The following ARHGAP19 variants were observed in gnomAD, a reference collection of about 807,000 sequenced individuals.
The protein encoded by ARHGAP19 is Rho GTPase activating protein 19, also known as rho GTPase-activating protein 19.
ARHGAP19 carries 48 observed loss-of-function variants against 60.9 expected under a neutral mutation model. The ratio of observed to expected loss-of-function variants is 0.79; its 90% CI spans 0.62 to 1.00. ARHGAP19 has a LOEUF of 1.00. ARHGAP19 is among the 50% of genes least tolerant of loss of function. The pLI is 0.00. For missense variants in ARHGAP19, 562 were observed against 597.2 expected, an observed-to-expected ratio of 0.94 and a Z score of 0.61; for synonymous variants, 209 against 215.5, an observed-to-expected ratio of 0.97 and a Z score of 0.27.
At chr10:97,271,800 A>T (rs1316325845) in intron 1 of ARHGAP19, among the ~76,000 whole-genome samples, 1 of 151,892 alleles carries the variant, frequency 6.6e-6, no homozygotes. Context: ...ATTTATTTAT[A>T]TATTTACTTA....
rs2134900500 is a variant in ARHGAP19, at chr10:97,270,997, A to C, written c.57-4872T>G. Reference sequence around the variant, plus strand: ...TCCCTACCTCACATCACAGACAAAAAATAAATTCCAAACAAAGTAAAGATC... The same window carrying C: ...TCCCTACCTCACATCACAGACAAAACATAAATTCCAAACAAAGTAAAGATC... On this transcript the variant is annotated intron_variant, in intron 1 of 11. Coordinates refer to ENST00000358531, the MANE Select transcript of ARHGAP19 (RefSeq NM_032900.6). Among the ~76,000 whole-genome samples the C allele has an allele frequency of 1.3e-5, 2 of 152,360 alleles. 1 individual carries two copies. Among genetic ancestry groups the C allele is most frequent in the East Asian group, 3.9e-4 (2 of 5,190 alleles).
rs779618728 is a variant in ARHGAP19, at chr10:97,266,030, T to C, written c.152A>G (p.His51Arg). 5.0e-6 allele frequency: 8 copies of C among 1,614,222 alleles called. No homozygotes were observed. Among genetic ancestry groups the C allele is most frequent in the Non-Finnish European group, 4.2e-6 (5 of 1,180,052 alleles). The change falls in exon 2 of 12, where the codon CAT becomes CGT. Residue 51 changes from histidine (H) to arginine (R), a missense_variant. Coordinates refer to ENST00000358531, the MANE Select transcript of ARHGAP19 (RefSeq NM_032900.6). ...NPDFFVEKLR[H>R]EKPEIFTELV... ...CTCAGTGAAAATCTCAGGTTTCTCA[T>C]GTCGGAGTTTCTCCACAAAAAAGTC...
At chr10:97,242,421 C>T (rs573100465) in intron 8 of ARHGAP19, among the ~76,000 whole-genome samples, 2 of 149,850 alleles carry the variant, frequency 1.3e-5, no homozygotes, top group East Asian at 3.9e-4. Context: ...GCAACCTCCA[C>T]CTCCCGGGCT....
chr10:97,231,710 A>G (rs2134810487), intron 9 of ARHGAP19, among the ~76,000 whole-genome samples: 1 of 152,342 alleles, frequency 6.6e-6, no homozygotes, highest in Admixed American at 6.5e-5. Context: ...TCATCAGTCA[A>G]TAGACAGTTG....
intron 6 of ARHGAP19, among the ~76,000 whole-genome samples, chr10:97,247,546 A>G (rs1410047824): frequency 2.0e-5 from 3 of 152,186 alleles, no homozygotes; most frequent in Non-Finnish European, 2.9e-5. Context: ...TATAAGATTA[A>G]TCAAAAAATT....
chr10:97,252,450 G>A (rs992613206), intron 6 of ARHGAP19, among the ~76,000 whole-genome samples: 2 of 150,696 alleles, frequency 1.3e-5, no homozygotes, highest in South Asian at 2.1e-4. Context: ...GTGAAACCCC[G>A]TCTCTACTAA....
At chr10:97,249,363 TCAAA>T (rs763615649) in intron 6 of ARHGAP19, among the ~76,000 whole-genome samples, 9 of 151,998 alleles carry the variant, frequency 5.9e-5, no homozygotes, top group Admixed American at 2.6e-4. Context: ...AGAGAGAAAA[TCAAA>T]CAATCTGTGT....
chr10:97,252,438 T>A, intron 6 of ARHGAP19, among the ~76,000 whole-genome samples: 1 of 150,132 alleles, frequency 6.7e-6, no homozygotes. Context: ...CTGGCTAACA[T>A]GGTGAAACCC....
chr10:97,274,355 C>T lies in ARHGAP19; in HGVS notation c.57-8230G>A, dbSNP rs567990388. Among the ~76,000 whole-genome samples, 11 of 151,968 alleles carry T rather than the reference C, an allele frequency of 7.2e-5. No individual in the cohort carries two copies. The South Asian group carries it at 1.2e-3, about 17-fold the overall frequency. Reference sequence around the variant, plus strand: ...TGGCGGGCACCTGTAATCCCAGCTACGTGGGAGGCTGAGGCAGAAGAACTG... The same window carrying T: ...TGGCGGGCACCTGTAATCCCAGCTATGTGGGAGGCTGAGGCAGAAGAACTG... On this transcript the variant is annotated intron_variant, in intron 1 of 11. Transcript: ENST00000358531.
At chr10:97,280,675 T>G (rs953741946) in intron 1 of ARHGAP19, among the ~76,000 whole-genome samples, 2 of 152,050 alleles carry the variant, frequency 1.3e-5, no homozygotes, top group Non-Finnish European at 2.9e-5. Flanking sequence ...CTTCAACACC[T>G]GGGCTCAAGG....
rs35980234 is a variant in ARHGAP19, at chr10:97,272,131, C to CTTTTTTTTTTTTTT, written c.57-6020_57-6007dup. Among the ~76,000 whole-genome samples the CTTTTTTTTTTTTTT allele has an allele frequency of 1.4e-4, 12 of 85,634 alleles. 1 individual carries two copies. The highest frequency in any genetic ancestry group is 2.4e-4 in the Non-Finnish European group (12 of 49,348). The allele number at this position is 85,634 out of a possible 152,430, so 56.2% of individuals were successfully genotyped here. On this transcript the variant is annotated intron_variant, in intron 1 of 11. Coordinates refer to ENST00000358531, the MANE Select transcript of ARHGAP19 (RefSeq NM_032900.6). The stretch of plus-strand genomic sequence containing the variant: ...TTATACACTTAGGTGGGAAATATGT[C>CTTTTTTTTTTTTTT]TTTTTTTTTTTTTTTTTTTTTTCAG...
chr10:97,266,164 T>G, intron 1 of ARHGAP19, 39 bp from the exon 2 acceptor site: 1 of 1,607,602 alleles, frequency 6.2e-7, no homozygotes, highest in Non-Finnish European at 8.5e-7. Flanking sequence ...GACATCATTT[T>G]TGTATGTTTC....
chr10:97,247,570 A>G (rs953269879), intron 6 of ARHGAP19, among the ~76,000 whole-genome samples: 2 of 152,182 alleles, frequency 1.3e-5, no homozygotes, highest in African/African-American at 4.8e-5. Flanking sequence ...TACAACCCAA[A>G]TGTTCTTTAA....
At position 97,232,233 on chromosome 10, in the gene ARHGAP19, G is replaced by A. The variant is rs113800054; in HGVS notation, c.1285-2359C>T. Among the ~76,000 whole-genome samples the A allele has an allele frequency of 2.9e-3, 397 of 136,430 alleles. 2 individuals carry two copies. Among genetic ancestry groups the A allele is most frequent in the African/African-American group, 9.7e-3 (348 of 35,694 alleles). 89.5% of individuals were successfully genotyped at this position (136,430 alleles called of 152,430 possible). A position where few individuals can be genotyped will look rare whatever the true frequency, so the allele number is the denominator to read the frequency against. On this transcript the variant is annotated intron_variant, in intron 9 of 11. Coordinates refer to ENST00000358531, the MANE Select transcript of ARHGAP19 (RefSeq NM_032900.6). Reference sequence around the variant, plus strand: ...GGCTGGAGTACAGTGGCTCAATCTCGGCTCACTGCAACCTCTGCCTCCTGG... The same window carrying A: ...GGCTGGAGTACAGTGGCTCAATCTCAGCTCACTGCAACCTCTGCCTCCTGG...
intron 8 of ARHGAP19, among the ~76,000 whole-genome samples, chr10:97,240,559 G>A (rs1002750809): frequency 4.6e-5 from 7 of 152,204 alleles, no homozygotes; most frequent in Admixed American, 4.6e-4. Context: ...GTTGAGGCAG[G>A]AGAATTGCTT....
intron 8 of ARHGAP19, 34 bp downstream of exon 8, chr10:97,243,934 A>G (rs762443602): frequency 1.9e-6 from 3 of 1,547,482 alleles, no homozygotes; most frequent in Non-Finnish European, 2.6e-6. Flanking sequence ...TTACACTCCT[A>G]AAGCCCCATC....
At chr10:97,273,910 T>C (rs1382910333) in intron 1 of ARHGAP19, among the ~76,000 whole-genome samples, 1 of 152,150 alleles carries the variant, frequency 6.6e-6, no homozygotes, top group Non-Finnish European at 1.5e-5. Flanking sequence ...ACTCTAGCTA[T>C]ATGTACAATC....
intron 4 of ARHGAP19, among the ~76,000 whole-genome samples, chr10:97,262,960 A>G (rs757797033): frequency 5.3e-5 from 8 of 151,852 alleles, no homozygotes; most frequent in Non-Finnish European, 1.2e-4. Flanking sequence ...AAATTACAAA[A>G]AAATTTGCCA....
chr10:97,229,101 A>G (rs1324731941), intron 11 of ARHGAP19, 46 bp downstream of exon 11: 1 of 1,515,850 alleles, frequency 6.6e-7, no homozygotes. Flanking sequence ...CTAGATGCAG[A>G]AAGGAATTAC....
Sources: gnomAD v4.1 joint callset for allele counts (sites outside exome capture counted in the v4.1 genomes callset) on GRCh38, gnomAD v4.1.1 for gene constraint, MANE v1.5 for transcripts, NCBI Gene and HGNC (gene_info 2026-07-23, HGNC 2026-07-21) for gene names.